Variants in STAC observed in about 807,000 individuals in gnomAD.
The protein encoded by STAC is SH3 and cysteine rich domain, also known as SH3 and cysteine-rich domain-containing protein.
In STAC, 43 loss-of-function variants were observed where a neutral mutation model predicts 48.8. That is an observed-to-expected ratio of 0.88 (90% CI 0.69 to 1.14). The LOEUF (loss-of-function observed/expected upper bound fraction) is 1.14. Among genes scored for constraint, STAC ranks in the 50% most tolerant of loss-of-function variants. The pLI is 0.00. For synonymous variants in STAC, 193 were observed against 179.5 expected (o/e 1.07, Z -0.60); for missense variants, 497 against 504.0 (o/e 0.99, Z 0.13).
At chr3:36,433,149 C>A (rs1006273525) in intron 1 of STAC, among the ~76,000 whole-genome samples, 1 of 152,132 alleles carries the variant, frequency 6.6e-6, no homozygotes, top group Non-Finnish European at 1.5e-5. Context: ...AGGCTAGACT[C>A]CACAGAGAAG....
At chr3:36,526,424 C>A (rs1156626658) in intron 8 of STAC, among the ~76,000 whole-genome samples, 1 of 152,154 alleles carries the variant, frequency 6.6e-6, no homozygotes, top group Non-Finnish European at 1.5e-5. Flanking sequence ...GCCTTAGAGG[C>A]ATCATGTGCT....
At position 36,443,432 on chromosome 3, in the gene STAC, C is replaced by T. The variant is rs750039838; in HGVS notation, c.180C>T (p.Phe60=). 1.2e-6 allele frequency: 2 copies of T among 1,614,224 alleles called. No individual in the cohort carries two copies. Among genetic ancestry groups the T allele is most frequent in the African/African-American group, 1.3e-5 (1 of 75,062 alleles). Residue 60 remains phenylalanine (F), a synonymous_variant, in exon 2 of 11, where the codon TTC becomes TTT. Coordinates refer to ENST00000273183, the MANE Select transcript of STAC (RefSeq NM_003149.3). This position sits in a 1 kb window ranked among gnomAD's most constrained non-coding sequence, Gnocchi z 4.2. ...KSLRSKSADN[F]FQRTNSEDMK... ...TACGGAGCAAAAGTGCTGACAACTT[C>T]TTCCAGCGAACCAACAGCGAAGACA...
At chr3:36,531,563 G>A (rs1232414017) in intron 10 of STAC, among the ~76,000 whole-genome samples, 1 of 152,166 alleles carries the variant, frequency 6.6e-6, no homozygotes, top group African/African-American at 2.4e-5. Context: ...AGTACCAGAT[G>A]TGATCTAGAG....
At chr3:36,426,415 T>C (rs1159067702) in intron 1 of STAC, among the ~76,000 whole-genome samples, 1 of 152,266 alleles carries the variant, frequency 6.6e-6, no homozygotes, top group Non-Finnish European at 1.5e-5. Flanking sequence ...AGCTGCAAGC[T>C]ATTTAATCAA....
At chr3:36,520,020 A>G (rs1013425227) in intron 8 of STAC, among the ~76,000 whole-genome samples, 4 of 152,218 alleles carry the variant, frequency 2.6e-5, no homozygotes, top group African/African-American at 9.6e-5. Flanking sequence ...GCTCAAAGGC[A>G]TTGAAAAAGG....
intron 2 of STAC, among the ~76,000 whole-genome samples, chr3:36,469,128 G>A (rs78961302): frequency 0.031 from 4,752 of 151,908 alleles, 220 homozygotes; most frequent in African/African-American, 0.11. Flanking sequence ...TCTATTCATC[G>A]TGCTATTTGT....
intron 5 of STAC, among the ~76,000 whole-genome samples, chr3:36,489,601 TCTC>T (rs1336272611): frequency 6.6e-6 from 1 of 152,212 alleles, no homozygotes; most frequent in South Asian, 2.1e-4. Context: ...TTCCCAGTCC[TCTC>T]CTCAATTAGA....
At chr3:36,432,873 C>T (rs565800401) in intron 1 of STAC, among the ~76,000 whole-genome samples, 1 of 152,162 alleles carries the variant, frequency 6.6e-6, no homozygotes, top group Non-Finnish European at 1.5e-5. Flanking sequence ...AATAGTACTG[C>T]CTCATAGGGT....
Position 36,483,072 on chromosome 3 carries a change from C to A in STAC, c.469C>A (p.Gln157Lys). 6.2e-7 allele frequency: 1 copy of A among 1,614,038 alleles called. No individual in the cohort carries two copies. The highest frequency in any genetic ancestry group is 8.5e-7 in the Non-Finnish European group (1 of 1,179,902). The change falls in exon 3 of 11, where the codon CAG becomes AAG. Residue 157 changes from glutamine to lysine, a missense_variant. By Grantham distance (53) the Gln-to-Lys change is moderately conservative. Coordinates refer to ENST00000273183, the MANE Select transcript of STAC (RefSeq NM_003149.3). ...HHKCTDGLAP[Q>K]RCMGKLPKGF... ...CAAGTGCACAGATGGCCTGGCACCC[C>A]AGCGGTGCATGGGCAAGCTGGTAAG...
Position 36,493,046 on chromosome 3 carries a change from A to G in STAC, c.688-105A>G, listed in dbSNP as rs1698033477. On this transcript the variant is annotated intron_variant, in intron 5 of 10. Coordinates refer to ENST00000273183, the MANE Select transcript of STAC (RefSeq NM_003149.3). ...CCAAGACAGCAATCACTGGGTCCTT[A>G]TGTGTCATGCAAATTCTACCTAAGC... 1.5e-5 allele frequency: 16 copies of G among 1,049,940 alleles called. 1 individual carries two copies. The South Asian group carries it at 1.9e-4, about 12-fold the overall frequency. 65.0% of individuals were successfully genotyped at this position (1,049,940 alleles called of 1,614,324 possible).
chr3:36,503,507 T>C (rs754247052), intron 6 of STAC, among the ~76,000 whole-genome samples: 25 of 152,214 alleles, frequency 1.6e-4, no homozygotes, highest in Non-Finnish European at 3.2e-4. Context: ...CTTACCTTAC[T>C]GCAACCTCCA....
intron 1 of STAC, among the ~76,000 whole-genome samples, chr3:36,383,276 AT>A (rs2125609265): frequency 6.6e-6 from 1 of 152,306 alleles, no homozygotes; most frequent in South Asian, 2.1e-4. Context: ...TTCTGTTAAT[AT>A]TTCTATTTTA....
chr3:36,427,014 T>TGC (rs1700581526), intron 1 of STAC, among the ~76,000 whole-genome samples: 1 of 152,224 alleles, frequency 6.6e-6, no homozygotes, highest in Non-Finnish European at 1.5e-5. Flanking sequence ...GCCTCCTTCT[T>TGC]GCCTCATCCA....
chr3:36,394,030 G>C (rs1363979657), intron 1 of STAC, among the ~76,000 whole-genome samples: 1 of 152,076 alleles, frequency 6.6e-6, no homozygotes, highest in Non-Finnish European at 1.5e-5. Context: ...GCTTGCATTT[G>C]TGAAGAGCAG....
At chr3:36,538,538 C>A (rs1014013622) in intron 10 of STAC, among the ~76,000 whole-genome samples, 1 of 152,096 alleles carries the variant, frequency 6.6e-6, no homozygotes, top group South Asian at 2.1e-4. Context: ...TGGAATTTAG[C>A]GGAAAACAGA....
intron 6 of STAC, among the ~76,000 whole-genome samples, chr3:36,502,059 C>G (rs1300387946): frequency 6.6e-6 from 1 of 152,080 alleles, no homozygotes; most frequent in Non-Finnish European, 1.5e-5. Flanking sequence ...AAATAATAAT[C>G]TAACTAAAAA....
At chr3:36,398,650 G>GAA (rs1699935008) in intron 1 of STAC, among the ~76,000 whole-genome samples, 1 of 88,012 alleles carries the variant, frequency 1.1e-5, no homozygotes, top group African/African-American at 4.2e-5. Flanking sequence ...AAGAAAGAAA[G>GAA]AGAAAGAAAG....
At chr3:36,427,544 C>A (rs1204793381) in intron 1 of STAC, among the ~76,000 whole-genome samples, 1 of 152,152 alleles carries the variant, frequency 6.6e-6, no homozygotes, top group African/African-American at 2.4e-5. Flanking sequence ...CTGTGGTAAG[C>A]AGTTCATCTA....
intron 1 of STAC, among the ~76,000 whole-genome samples, chr3:36,414,772 G>A (rs1045743886): frequency 1.3e-5 from 2 of 152,120 alleles, no homozygotes; most frequent in Non-Finnish European, 2.9e-5. Context: ...CAGTTTTTCT[G>A]TTCTGTTTTT....
Sources: gnomAD v4.1 joint callset for allele counts (sites outside exome capture counted in the v4.1 genomes callset) on GRCh38, gnomAD v4.1.1 for gene constraint, Gnocchi (gnomAD v3.1) non-coding constraint, MANE v1.5 for transcripts, NCBI Gene and HGNC (gene_info 2026-07-23, HGNC 2026-07-21) for gene names.